The following MGAT1 variants were observed in gnomAD, a reference collection of about 807,000 sequenced individuals.
MGAT1 encodes the protein N-glycosyl-oligosaccharide-glycoprotein N-acetylglucosaminyltransferase I.
A neutral mutation model predicts 31.7 loss-of-function variants in MGAT1; 14 were observed. That is an observed-to-expected ratio of 0.44 (90% CI 0.29 to 0.69). MGAT1 has a LOEUF of 0.69. Ranked by LOEUF, MGAT1 falls within the 30% of genes least tolerant of loss-of-function variation. MGAT1 has a pLI of 0.12. For missense variants in MGAT1, 557 were observed against 626.0 expected, an observed-to-expected ratio of 0.89 and a Z score of 1.18; for synonymous variants, 338 against 276.0, an observed-to-expected ratio of 1.22 and a Z score of -2.23.
At chr5:180,811,138 C>G (rs1772533504) in intron 1 of MGAT1, 1 of 152,246 alleles carries the variant, frequency 6.6e-6, no homozygotes, top group Admixed American at 6.5e-5. Flanking sequence ...GTTCGAGAAT[C>G]TTGCCGGACT....
chr5:180,814,940 CAA>C (rs551527767), intron 1 of MGAT1, among the ~76,000 whole-genome samples: 8,145 of 94,884 alleles, frequency 0.086, 699 homozygotes, highest in African/African-American at 0.27. Context: ...GACTCTGTCT[CAA>C]AAAAAAAAAA....
chr5:180,811,440 C>T (rs902308183), intron 1 of MGAT1: 4 of 152,178 alleles, frequency 2.6e-5, no homozygotes, highest in African/African-American at 9.7e-5. Flanking sequence ...TCTTCCCCCA[C>T]CTTCAAACCT....
In MGAT1 at chr5:180,791,510, G is replaced by A. The variant is rs1174579059; in HGVS notation, c.*124C>T. Reference sequence around the variant, plus strand: ...TCATTTGTGCACTTAAATGCCACTCGGAAAAATCAAAAAGATAAATGCACC... The same window carrying A: ...TCATTTGTGCACTTAAATGCCACTCAGAAAAATCAAAAAGATAAATGCACC... On this transcript the variant is annotated 3_prime_UTR_variant, in exon 2 of 2. Coordinates refer to ENST00000307826, the MANE Select transcript of MGAT1 (RefSeq NM_002406.4). 9 of 1,242,052 alleles carry A rather than the reference G, an allele frequency of 7.2e-6. No individual in the cohort carries two copies. The highest frequency in any genetic ancestry group is 2.4e-5 in the Admixed American group (1 of 42,498). The allele number at this position is 1,242,052 out of a possible 1,614,324, so 76.9% of individuals were successfully genotyped here.
chr5:180,813,035 T>C (rs975297809), intron 1 of MGAT1, among the ~76,000 whole-genome samples: 2 of 152,202 alleles, frequency 1.3e-5, no homozygotes, highest in African/African-American at 4.8e-5. Context: ...TTTGGGTTGT[T>C]TTCAACTTTT....
chr5:180,805,174 G>C (rs1771669605), upstream of MGAT1, among the ~76,000 whole-genome samples: 1 of 150,904 alleles, frequency 6.6e-6, no homozygotes, highest in Admixed American at 6.6e-5. Context: ...GTGGGCCTGG[G>C]ATTGGATTAT....
At position 180,792,057 on chromosome 5, in the gene MGAT1, G is replaced by A. The variant is rs371643948; in HGVS notation, c.915C>T (p.Arg305=). ...PEQRQGRACI[R]PEISRTMTFG... ...AGGTCATCGTTCTTGAGATCTCAGGGCGTATGCAGGCCCGCCCCTGCCGCT... is the reference window on the plus strand; with the variant it reads ...AGGTCATCGTTCTTGAGATCTCAGGACGTATGCAGGCCCGCCCCTGCCGCT... The change falls in exon 2 of 2, where the codon CGC becomes CGT. Residue 305 remains arginine (R), a synonymous_variant. Transcript: ENST00000307826. 4.2e-5 allele frequency: 67 copies of A among 1,613,292 alleles called. No individual in the cohort carries two copies. Among genetic ancestry groups the A allele is most frequent in the Middle Eastern group, 1.6e-4 (1 of 6,084 alleles).
chr5:180,793,708 A>C (rs552697463), intron 1 of MGAT1, among the ~76,000 whole-genome samples: 39 of 152,364 alleles, frequency 2.6e-4, no homozygotes, highest in African/African-American at 9.1e-4. Context: ...TCAATAATGA[A>C]CTGAGCAAGG....
In MGAT1 at chr5:180,792,684, A is replaced by G. The variant is rs777546128; in HGVS notation, c.288T>C (p.Arg96=). The part of the protein sequence containing the change: ...VPTAAPPAQP[R]VPVTPAPAVI... ...CCGCCGGCGCGGGGGTCACAGGCAC[A>G]CGCGGCTGGGCGGGAGGGGCCGCGG... The change falls in exon 2 of 2, where the codon CGT becomes CGC. Residue 96 remains arginine, a synonymous_variant. Transcript: ENST00000307826. The G allele has an allele frequency of 4.5e-6, 7 of 1,566,336 alleles. No homozygotes were observed. Among genetic ancestry groups the G allele is most frequent in the Non-Finnish European group, 4.3e-6 (5 of 1,157,244 alleles).
At chr5:180,800,132 C>T (rs1770416226) in intron 1 of MGAT1, among the ~76,000 whole-genome samples, 3 of 152,156 alleles carry the variant, frequency 2.0e-5, no homozygotes. Flanking sequence ...ATTATGCAGC[C>T]ATCAGTACCT....
chr5:180,796,755 G>A (rs1041678694), intron 1 of MGAT1, among the ~76,000 whole-genome samples: 1 of 152,082 alleles, frequency 6.6e-6, no homozygotes, highest in Non-Finnish European at 1.5e-5. Flanking sequence ...GGGATTACAG[G>A]TGCCTGCCAC....
rs1768313883 is a variant in MGAT1, at chr5:180,792,269, G to C, written c.703C>G (p.Leu235Val). The C allele has an allele frequency of 6.2e-7, 1 of 1,612,590 alleles. No homozygotes were observed. Among genetic ancestry groups the C allele is most frequent in the Non-Finnish European group, 8.5e-7 (1 of 1,179,540 alleles). Residue 235 changes from leucine (L) to valine (V), a missense_variant, in exon 2 of 2, where the codon CTG becomes GTG. By Grantham distance (32) the Leu-to-Val change is conservative. Around this residue, in one of 3 missense-constraint regions of MGAT1, gnomAD observed 245 missense variants for 332.9 expected, o/e 0.74. Transcript: ENST00000307826. ...TCATTCCAGGCCGAGACGCACCACA[G>C]GGAGGGGTCGGCCTTCAGCAGCGGA... ...TYPLLKADPS[L>V]WCVSAWNDNG...
In MGAT1 at chr5:180,791,681, G is replaced by A. The variant is rs1443023289; in HGVS notation, c.1291C>T (p.Leu431=). Residue 431 remains leucine, a synonymous_variant, in exon 2 of 2, where the codon CTG becomes TTG. Coordinates refer to ENST00000307826, the MANE Select transcript of MGAT1 (RefSeq NM_002406.4). ...TFQFRGRRVH[L]APPLTWEGYD... Reference sequence around the variant, plus strand: ...CCCTCCCACGTCAGTGGGGGCGCCAGGTGGACACGGCGGCCCCGGAACTGG... The same window carrying A: ...CCCTCCCACGTCAGTGGGGGCGCCAAGTGGACACGGCGGCCCCGGAACTGG... The A allele has an allele frequency of 1.2e-6, 2 of 1,613,912 alleles. No individual in the cohort carries two copies. Among genetic ancestry groups the A allele is most frequent in the South Asian group, 1.1e-5 (1 of 91,080 alleles).
chr5:180,809,721 T>G (rs1018776923), intron 1 of MGAT1: 3 of 151,324 alleles, frequency 2.0e-5, no homozygotes, highest in South Asian at 4.2e-4. Context: ...AGCCCCACAG[T>G]GTTCCCATTT....
intron 1 of MGAT1, among the ~76,000 whole-genome samples, chr5:180,798,466 T>TG (rs1769978061): frequency 6.6e-6 from 1 of 152,152 alleles, no homozygotes; most frequent in Non-Finnish European, 1.5e-5. Context: ...CGCAACCACT[T>TG]GCTCAACTTC....
chr5:180,799,556 T>C (rs1770261104), intron 1 of MGAT1, among the ~76,000 whole-genome samples: 2 of 152,196 alleles, frequency 1.3e-5, no homozygotes. Flanking sequence ...AAAGACTCTA[T>C]GACCTCTGTG....
rs1188269278 is a variant in MGAT1 at position 180,791,524 on chromosome 5, G to A, written c.*110C>T. ...AAATGCCACTCGGAAAAATCAAAAA[G>A]ATAAATGCACCTAAGAGGGAAACAC... On this transcript the variant is annotated 3_prime_UTR_variant, in exon 2 of 2. Transcript: ENST00000307826. 12 of 1,358,584 alleles carry A rather than the reference G, an allele frequency of 8.8e-6. No individual in the cohort carries two copies. The highest frequency in any genetic ancestry group is 2.8e-5 in the South Asian group (2 of 71,334). The allele number at this position is 1,358,584 out of a possible 1,614,324, so 84.2% of individuals were successfully genotyped here.
chr5:180,799,070 C>T (rs1438054681), intron 1 of MGAT1, among the ~76,000 whole-genome samples: 2 of 152,144 alleles, frequency 1.3e-5, no homozygotes, highest in East Asian at 3.9e-4. Context: ...TTCCCTCTCA[C>T]AAACCTTCCC....
intron 1 of MGAT1, among the ~76,000 whole-genome samples, chr5:180,797,134 T>C (rs1404038991): frequency 2.0e-5 from 3 of 152,196 alleles, no homozygotes; most frequent in African/African-American, 7.2e-5. Flanking sequence ...CCCACTGGGC[T>C]TGGTGGCTCA....
upstream of MGAT1, among the ~76,000 whole-genome samples, chr5:180,805,312 A>G (rs1771701143): frequency 6.6e-6 from 1 of 152,218 alleles, no homozygotes; most frequent in Admixed American, 6.5e-5. Flanking sequence ...CTGACAAAAG[A>G]GAACTGAAAA....
Sources: gnomAD v4.1 joint callset for allele counts (sites outside exome capture counted in the v4.1 genomes callset) on GRCh38, gnomAD v4.1.1 for gene constraint, gnomAD v4.1.1 regional missense constraint, MANE v1.5 for transcripts, NCBI Gene and HGNC (gene_info 2026-07-23, HGNC 2026-07-21) for gene names.